Variants in COL11A1 observed in about 807,000 individuals in gnomAD.
The protein encoded by COL11A1 is collagen alpha-1(XI) chain.
In COL11A1, 74 loss-of-function variants were observed where a neutral mutation model predicts 265.2. The ratio of observed to expected loss-of-function variants is 0.28; its 90% CI spans 0.23 to 0.34. The LOEUF (loss-of-function observed/expected upper bound fraction) is 0.34. Among genes scored for constraint, COL11A1 ranks in the 10% least tolerant of loss-of-function variants. The pLI is 1.00. For missense variants in COL11A1, 2,165 were observed against 2,263.6 expected (o/e 0.96, Z 0.88); for synonymous variants, 816 against 727.6 (o/e 1.12, Z -1.96).
At chr1:102,995,744 C>T (rs553278208) in intron 28 of COL11A1, 120 bp downstream of exon 28, 2 of 812,786 alleles carry the variant, frequency 2.5e-6, no homozygotes, top group Non-Finnish European at 2.1e-6. Flanking sequence ...CAAAATTATA[C>T]TAGCATTGCG....
At chr1:102,952,764 T>C (rs1433447632) in intron 41 of COL11A1, among the ~76,000 whole-genome samples, 2 of 152,342 alleles carry the variant, frequency 1.3e-5, no homozygotes, top group East Asian at 3.9e-4. Flanking sequence ...AAATCTCTGA[T>C]GGTACCTACC....
At chr1:103,017,029 A>C (rs2101911064) in intron 11 of COL11A1, among the ~76,000 whole-genome samples, 1 of 152,152 alleles carries the variant, frequency 6.6e-6, no homozygotes, top group South Asian at 2.1e-4. Flanking sequence ...TATTAACTAA[A>C]ATGACTATTA....
At position 102,934,491 on chromosome 1, in the gene COL11A1, A is replaced by T; in HGVS notation, c.3558T>A (p.Gly1186=). 1 of 1,614,164 alleles carries T rather than the reference A, an allele frequency of 6.2e-7. No homozygotes were observed. Residue 1186 remains glycine (G), a synonymous_variant, in exon 46 of 67, where the codon GGT becomes GGA. Coordinates refer to ENST00000370096, the MANE Select transcript of COL11A1 (RefSeq NM_001854.4). ...CAGGAGGTCCAGGGAAGCCTCTGGC[A>T]CCCTCATCACCTTTTTGCCCAAACA... ...QGMFGQKGDE[G]ARGFPGPPGP...
intron 28 of COL11A1, among the ~76,000 whole-genome samples, chr1:102,992,807 GA>G (rs1664268311): frequency 6.6e-6 from 1 of 151,934 alleles, no homozygotes; most frequent in African/African-American, 2.4e-5. Flanking sequence ...ATGAGGCTCA[GA>G]AAAAGTAACT....
intron 63 of COL11A1, among the ~76,000 whole-genome samples, chr1:102,885,266 T>A (rs1650823647): frequency 6.6e-6 from 1 of 151,062 alleles, no homozygotes; most frequent in Non-Finnish European, 1.5e-5. Flanking sequence ...CTTGTTAACC[T>A]TTTTTTTTAT....
chr1:102,907,131 A>C (rs1441572241), intron 54 of COL11A1, among the ~76,000 whole-genome samples: 1 of 152,102 alleles, frequency 6.6e-6, no homozygotes, highest in Non-Finnish European at 1.5e-5. Flanking sequence ...ATGAAAATGA[A>C]TGTGAATAGC....
chr1:102,939,844 GTA>G (rs1236629839), intron 43 of COL11A1, among the ~76,000 whole-genome samples: 5 of 152,042 alleles, frequency 3.3e-5, no homozygotes, highest in African/African-American at 1.2e-4. Context: ...ATATAATGAT[GTA>G]TTCAATTGAA....
chr1:102,963,798 A>G (rs7552614), intron 38 of COL11A1, among the ~76,000 whole-genome samples: 89,703 of 151,890 alleles, frequency 0.59, 29,729 homozygotes, highest in East Asian at 0.91. Flanking sequence ...TTTCTTAACT[A>G]TCTGAACACC....
chr1:102,921,900 T>A (rs930780825), intron 47 of COL11A1, among the ~76,000 whole-genome samples: 1 of 152,196 alleles, frequency 6.6e-6, no homozygotes, highest in African/African-American at 2.4e-5. Flanking sequence ...ATAAAGAGAA[T>A]GTAAAGTTGG....
At chr1:103,004,530 A>T (rs886390794) in intron 19 of COL11A1, 42 bp from the exon 20 acceptor site, 2 of 1,596,170 alleles carry the variant, frequency 1.3e-6, no homozygotes, top group African/African-American at 2.7e-5. Flanking sequence ...ACATTTGGAC[A>T]ATGTATCATT....
chr1:102,888,591 G>T lies in COL11A1; in HGVS notation c.4594C>A (p.Pro1532Thr), dbSNP rs140954784. The stretch of plus-strand genomic sequence containing the variant: ...CATATACTTACTGGAGACCCAGGAG[G>T]CCCTGGAAGACCACTGTCACCTTTC... The part of the protein sequence containing the change: ...GQKGDSGLPG[P>T]PGSPGPPGEV... Residue 1532 changes from proline (P) to threonine (T), a missense_variant, in exon 62 of 67, where the codon CCT becomes ACT. By Grantham distance (38) the Pro-to-Thr change is conservative. Transcript: ENST00000370096. 22 of 1,613,140 alleles carry T rather than the reference G, an allele frequency of 1.4e-5. No individual in the cohort carries two copies. Among genetic ancestry groups the T allele is most frequent in the Non-Finnish European group, 1.7e-5 (20 of 1,179,302 alleles).
At chr1:102,968,510 T>G (rs1052469318) in intron 37 of COL11A1, among the ~76,000 whole-genome samples, 1 of 152,182 alleles carries the variant, frequency 6.6e-6, no homozygotes, top group African/African-American at 2.4e-5. Flanking sequence ...ATTAATGGAT[T>G]TCTGGCTGGA....
chr1:103,023,059 G>A, intron 7 of COL11A1, 63 bp from the exon 8 acceptor site: 1 of 1,553,888 alleles, frequency 6.4e-7, no homozygotes, highest in Non-Finnish European at 8.8e-7. Flanking sequence ...AGCAAGGTAA[G>A]CATTTAAATT....
intron 4 of COL11A1, among the ~76,000 whole-genome samples, chr1:103,068,209 G>C (rs1009274337): frequency 1.3e-5 from 2 of 151,482 alleles, no homozygotes; most frequent in African/African-American, 2.4e-5. Context: ...TTACAAAATG[G>C]AATTATATGT....
At chr1:103,029,637 G>C (rs1192917700) in intron 5 of COL11A1, among the ~76,000 whole-genome samples, 1 of 151,964 alleles carries the variant, frequency 6.6e-6, no homozygotes, top group African/African-American at 2.4e-5. Flanking sequence ...TACCCAACAA[G>C]ATTGTCATGC....
intron 54 of COL11A1, among the ~76,000 whole-genome samples, chr1:102,905,176 G>A (rs1653777562): frequency 8.0e-5 from 11 of 137,114 alleles, no homozygotes; most frequent in Middle Eastern, 7.8e-3. Context: ...TGAACAATGA[G>A]AACACATGGA....
chr1:102,911,216 CAA>C, intron 54 of COL11A1, among the ~76,000 whole-genome samples: 1 of 152,102 alleles, frequency 6.6e-6, no homozygotes, highest in African/African-American at 2.4e-5. Flanking sequence ...TTTTCAGAGA[CAA>C]GTTTTATTAT....
intron 36 of COL11A1, among the ~76,000 whole-genome samples, chr1:102,973,390 A>G (rs1384497854): frequency 6.6e-6 from 1 of 152,180 alleles, no homozygotes; most frequent in African/African-American, 2.4e-5. Context: ...AGTCTGATAA[A>G]AAAATGAGTC....
At chr1:102,930,241 C>T (rs1302127048) in intron 46 of COL11A1, among the ~76,000 whole-genome samples, 2 of 151,484 alleles carry the variant, frequency 1.3e-5, no homozygotes, top group African/African-American at 4.8e-5. Context: ...TCATAGATAG[C>T]TCTTATTATT....
Sources: allele counts gnomAD v4.1 joint callset (sites outside exome capture counted in the v4.1 genomes callset), GRCh38; gene constraint gnomAD v4.1.1; transcripts MANE v1.5; gene names NCBI Gene and HGNC (gene_info 2026-07-23, HGNC 2026-07-21).